ENOX1: variants seen among roughly 807,000 people sequenced by gnomAD.
The protein encoded by ENOX1 is candidate growth-related and time keeping constitutive hydroquinone (NADH) oxidase.
Under a neutral mutation model 82.5 loss-of-function variants are expected in ENOX1, and 42 were observed. The observed-to-expected ratio is 0.51, with a 90% CI of 0.40 to 0.66. The LOEUF is 0.66. Ranked by LOEUF, ENOX1 falls within the 30% of genes least tolerant of loss-of-function variation. The pLI is 0.00. For synonymous variants in ENOX1, 271 were observed against 282.2 expected (o/e 0.96, Z 0.40); for missense variants, 608 against 811.6 (o/e 0.75, Z 3.05).
chr13:43,344,267 T>C (rs941188138), intron 9 of ENOX1, among the ~76,000 whole-genome samples: 7 of 152,196 alleles, frequency 4.6e-5, no homozygotes, highest in Non-Finnish European at 1.0e-4. Context: ...CAGGCACAGA[T>C]GCATCTAGCT....
At chr13:43,437,511 C>T (rs537470798) in intron 3 of ENOX1, among the ~76,000 whole-genome samples, 1 of 152,238 alleles carries the variant, frequency 6.6e-6, no homozygotes, top group South Asian at 2.1e-4. Context: ...TAATGACTAC[C>T]GGAATTCCAA....
intron 5 of ENOX1, among the ~76,000 whole-genome samples, chr13:43,410,096 C>G (rs950708742): frequency 3.3e-5 from 5 of 152,134 alleles, no homozygotes; most frequent in African/African-American, 9.7e-5. Context: ...CTGGGAAAAT[C>G]ATAAATTGGT....
At chr13:43,741,573 AT>A (rs1174449977) in intron 1 of ENOX1, among the ~76,000 whole-genome samples, 1 of 152,076 alleles carries the variant, frequency 6.6e-6, no homozygotes. Flanking sequence ...ATCTTTGCCC[AT>A]TTTCGAATTG....
rs1388022813 is a variant in ENOX1, at chr13:43,413,709, TTATATATATTTATA to T, written c.-74-735_-74-722del. Among the ~76,000 whole-genome samples the T allele has an allele frequency of 1.3e-3, 186 of 144,642 alleles. 2 individuals are homozygous for T. Among genetic ancestry groups the T allele is most frequent in the African/African-American group, 3.6e-3 (147 of 40,606 alleles). 94.9% of individuals were successfully genotyped at this position (144,642 alleles called of 152,430 possible). A position where few individuals can be genotyped will look rare whatever the true frequency, so the allele number is the denominator to read the frequency against. On this transcript the variant is annotated intron_variant, in intron 3 of 16. Coordinates refer to ENST00000690772, the MANE Select transcript of ENOX1 (RefSeq NM_001347969.2). Reference sequence around the variant, plus strand: ...TATATATATATATATTTTTATATATTTATATATATTTATATATATATATTTATATATAGTCTTTT... The same window carrying T: ...TATATATATATATATTTTTATATATTTATATATATTTATATATAGTCTTTT...
chr13:43,762,646 G>A (rs944382095), intron 1 of ENOX1, among the ~76,000 whole-genome samples: 1 of 152,090 alleles, frequency 6.6e-6, no homozygotes, highest in Non-Finnish European at 1.5e-5. Context: ...AATAATCTGG[G>A]ACAAGCACTC....
At chr13:43,614,496 A>G (rs1359341978) in intron 2 of ENOX1, among the ~76,000 whole-genome samples, 1 of 151,208 alleles carries the variant, frequency 6.6e-6, no homozygotes, top group Non-Finnish European at 1.5e-5. Flanking sequence ...TAAAAGTGCA[A>G]ACAGTCTGCC....
intron 1 of ENOX1, among the ~76,000 whole-genome samples, chr13:43,744,425 G>C (rs1202595876): frequency 6.6e-6 from 1 of 152,112 alleles, no homozygotes; most frequent in Non-Finnish European, 1.5e-5. Context: ...AGGAGGCTAG[G>C]ATACCATGCC....
At chr13:43,705,509 T>C (rs1217518066) in intron 1 of ENOX1, among the ~76,000 whole-genome samples, 1 of 151,764 alleles carries the variant, frequency 6.6e-6, no homozygotes, top group Admixed American at 6.6e-5. Context: ...ATATTCCACA[T>C]ATAAGAAAGC....
intron 3 of ENOX1, among the ~76,000 whole-genome samples, chr13:43,477,389 T>C (rs902103133): frequency 3.3e-5 from 5 of 152,072 alleles, no homozygotes; most frequent in Non-Finnish European, 5.9e-5. Flanking sequence ...AAAATTAACA[T>C]TTTTTTGAAA....
intron 1 of ENOX1, among the ~76,000 whole-genome samples, chr13:43,748,635 T>C (rs937845606): frequency 4.6e-5 from 7 of 152,300 alleles, no homozygotes; most frequent in Middle Eastern, 3.4e-3. Flanking sequence ...TTTTCTCATC[T>C]ACAAAATGTT....
At chr13:43,617,412 CAA>C (rs1276206031) in intron 2 of ENOX1, among the ~76,000 whole-genome samples, 1 of 152,192 alleles carries the variant, frequency 6.6e-6, no homozygotes, top group African/African-American at 2.4e-5. Flanking sequence ...ACAGTACAAT[CAA>C]AAGACAATTT....
chr13:43,707,704 G>T (rs527982747), intron 1 of ENOX1, among the ~76,000 whole-genome samples: 48 of 116,894 alleles, frequency 4.1e-4, no homozygotes, highest in African/African-American at 1.6e-3. Flanking sequence ...CTGAACTCCA[G>T]CCTGGTGACA....
chr13:43,340,621 G>T (rs560025770), intron 9 of ENOX1, among the ~76,000 whole-genome samples: 1 of 152,316 alleles, frequency 6.6e-6, no homozygotes, highest in South Asian at 2.1e-4. Flanking sequence ...CTCTGACCAA[G>T]AATTTGGTAA....
intron 2 of ENOX1, among the ~76,000 whole-genome samples, chr13:43,658,524 T>C (rs1451743695): frequency 6.6e-6 from 1 of 152,208 alleles, no homozygotes; most frequent in Non-Finnish European, 1.5e-5. Context: ...TTCTGCCTTT[T>C]TGTCTTCCTT....
rs1313286911 is a variant in ENOX1, at chr13:43,498,818, T to C, written c.-218-14666A>G. Among the ~76,000 whole-genome samples, 5 of 152,098 alleles carry C rather than the reference T, an allele frequency of 3.3e-5. No individual in the cohort carries two copies. In the South Asian group the frequency reaches 8.3e-4, roughly 25 times the overall value. On this transcript the variant is annotated intron_variant, in intron 2 of 16. Transcript: ENST00000690772. ...AATTACTATGGTGGCTTTTAACATG[T>C]GTCTACAATTCTTTTATATTCTTCC...
chr13:43,591,348 C>T (rs977631366), intron 2 of ENOX1, among the ~76,000 whole-genome samples: 1 of 152,114 alleles, frequency 6.6e-6, no homozygotes, highest in African/African-American at 2.4e-5. Flanking sequence ...ACAGATAAAT[C>T]TCAGGGATAA....
At chr13:43,235,539 C>G (rs965665408) in intron 15 of ENOX1, among the ~76,000 whole-genome samples, 1 of 152,066 alleles carries the variant, frequency 6.6e-6, no homozygotes, top group African/African-American at 2.4e-5. Flanking sequence ...TTGAGACCAG[C>G]CTGGCCAACA....
chr13:43,265,415 T>C lies in ENOX1; in HGVS notation c.1594A>G (p.Ser532Gly). ...GTACCTACATTTGAATCCTCATGGC[T>C]GTGGCCATTGGTCTCGACCAATTCC... ...TKELVETNGH[S>G]HEDSNEINVL... is the part of the protein sequence containing the mutation. Residue 532 changes from serine to glycine, a missense_variant, in exon 14 of 17, where the codon AGC becomes GGC. Transcript: ENST00000690772. 6.2e-7 allele frequency: 1 copy of C among 1,612,478 alleles called. No homozygotes were observed. The highest frequency in any genetic ancestry group is 8.5e-7 in the Non-Finnish European group (1 of 1,179,180).
intron 12 of ENOX1, among the ~76,000 whole-genome samples, chr13:43,283,426 C>G (rs1230996712): frequency 6.6e-6 from 1 of 151,872 alleles, no homozygotes; most frequent in African/African-American, 2.4e-5. Context: ...ATTATCCCCT[C>G]TACTTTGTGT....
Sources: allele counts gnomAD v4.1 joint callset (sites outside exome capture counted in the v4.1 genomes callset), GRCh38; gene constraint gnomAD v4.1.1; transcripts MANE v1.5; gene names NCBI Gene and HGNC (gene_info 2026-07-23, HGNC 2026-07-21).